ARHGEF10: variants seen among roughly 807,000 people sequenced by gnomAD.
ARHGEF10 encodes the protein Rho guanine nucleotide exchange factor (GEF) 10.
In ARHGEF10, 140 loss-of-function variants were observed where a neutral mutation model predicts 147.4. The ratio of observed to expected loss-of-function variants is 0.95; its 90% CI spans 0.83 to 1.09. The LOEUF (loss-of-function observed/expected upper bound fraction) is 1.09. ARHGEF10 is among the 50% of genes least tolerant of loss of function. The probability of loss-of-function intolerance (pLI) is 0.00; values close to 1 mark genes in which losing one functional copy is unlikely to be tolerated. For missense variants in ARHGEF10, 2,222 were observed against 1,752.7 expected (o/e 1.27, Z -4.78); for synonymous variants, 902 against 695.8 (o/e 1.30, Z -4.67).
At chr8:1,876,967 C>A (rs528440816) in intron 8 of ARHGEF10, among the ~76,000 whole-genome samples, 1 of 152,340 alleles carries the variant, frequency 6.6e-6, no homozygotes, top group East Asian at 1.9e-4. Flanking sequence ...CTTAAAAGGT[C>A]TTAAATGAGC....
At chr8:1,888,190 TTGCGAGGAGACACTTA>T (rs1563233863) in intron 11 of ARHGEF10, among the ~76,000 whole-genome samples, 2,218 of 45,006 alleles carry the variant, frequency 0.049, 329 homozygotes, top group African/African-American at 0.24. Context: ...GGGTGAGGGT[TTGCGAGGAGACACTTA>T]GTGGGGCGAG....
rs189809721 is a variant in ARHGEF10, at chr8:1,930,736, C to A, written c.3079+1293C>A. Reference sequence around the variant, plus strand: ...TCCTCCTTGGGGAGGCTCTCTCGACCTGCTCCACGGGGACGGCCCCTCCTT... The same window carrying A: ...TCCTCCTTGGGGAGGCTCTCTCGACATGCTCCACGGGGACGGCCCCTCCTT... On this transcript the variant is annotated intron_variant, in intron 25 of 28. Coordinates refer to ENST00000349830, the MANE Select transcript of ARHGEF10 (RefSeq NM_014629.4). 5.6e-3 allele frequency among the ~76,000 whole-genome samples: 853 copies of A among 152,364 alleles called. 7 individuals carry two copies. Among genetic ancestry groups the A allele is most frequent in the African/African-American group, 0.019 (805 of 41,590 alleles).
intron 13 of ARHGEF10, among the ~76,000 whole-genome samples, 164 bp downstream of exon 13, chr8:1,894,736 G>A (rs964549201): frequency 3.9e-5 from 6 of 152,208 alleles, no homozygotes; most frequent in African/African-American, 7.2e-5. Flanking sequence ...AAGCGTGTGC[G>A]CTAGGGAAAT....
rs767576834 is a variant in ARHGEF10, at chr8:1,901,030, C to T, written c.1651-2251C>T. ...ACGCTGGCGTATCCTAGAGTGTTCT[C>T]GGAGGGGAGCAGGGTGGGTCCACGT... On this transcript the variant is annotated intron_variant, in intron 15 of 28. Transcript: ENST00000349830. 6.4e-4 allele frequency among the ~76,000 whole-genome samples: 98 copies of T among 152,010 alleles called. 1 individual carries two copies. Among genetic ancestry groups the T allele is most frequent in the Non-Finnish European group, 8.1e-4 (55 of 68,006 alleles).
chr8:1,902,094 C>G (rs972638627), intron 15 of ARHGEF10, among the ~76,000 whole-genome samples: 2 of 152,100 alleles, frequency 1.3e-5, no homozygotes, highest in Non-Finnish European at 2.9e-5. Flanking sequence ...AACCCGTCAT[C>G]TAGGTTTTAA....
chr8:1,893,402 G>A (rs1809708684), intron 11 of ARHGEF10, among the ~76,000 whole-genome samples, 167 bp from the exon 12 acceptor site: 1 of 152,114 alleles, frequency 6.6e-6, no homozygotes, highest in Non-Finnish European at 1.5e-5. Context: ...GTATTAATGG[G>A]GCGAAGTATG....
At chr8:1,906,409 C>G (rs1477203127) in intron 17 of ARHGEF10, among the ~76,000 whole-genome samples, 1 of 152,168 alleles carries the variant, frequency 6.6e-6, no homozygotes, top group Non-Finnish European at 1.5e-5. Flanking sequence ...GTCATCCACA[C>G]GGGAACATTT....
intron 25 of ARHGEF10, among the ~76,000 whole-genome samples, chr8:1,929,784 G>A (rs558037546): frequency 6.6e-6 from 1 of 152,270 alleles, no homozygotes; most frequent in Non-Finnish European, 1.5e-5. Flanking sequence ...CTGCCCGCCC[G>A]GCGGGGCCTC....
At chr8:1,841,620 GGCTCGTCT>G (rs1356899748) in intron 1 of ARHGEF10, among the ~76,000 whole-genome samples, 3 of 151,956 alleles carry the variant, frequency 2.0e-5, no homozygotes, top group African/African-American at 7.2e-5. Context: ...GCGTGGTTGT[GGCTCGTCT>G]GCTCATCTCT....
chr8:1,847,799 A>G (rs1804673075), intron 2 of ARHGEF10, among the ~76,000 whole-genome samples: 1 of 152,264 alleles, frequency 6.6e-6, no homozygotes, highest in Non-Finnish European at 1.5e-5. Context: ...ATTCAAAATA[A>G]GAGAAAATCA....
intron 1 of ARHGEF10, among the ~76,000 whole-genome samples, chr8:1,836,439 G>C (rs1803585122): frequency 6.6e-6 from 1 of 152,164 alleles, no homozygotes; most frequent in African/African-American, 2.4e-5. Context: ...CGATGCCGGT[G>C]AGGTCCAGGT....
At chr8:1,824,417 G>C (rs1207145001) in intron 1 of ARHGEF10, among the ~76,000 whole-genome samples, 1 of 151,996 alleles carries the variant, frequency 6.6e-6, no homozygotes, top group African/African-American at 2.4e-5. Context: ...GAAGGAGCCC[G>C]AGGGGCGAGC....
At chr8:1,949,852 G>A (rs2129284431) in intron 27 of ARHGEF10, among the ~76,000 whole-genome samples, 1 of 152,162 alleles carries the variant, frequency 6.6e-6, no homozygotes, top group African/African-American at 2.4e-5. Flanking sequence ...TTCCAGGCTG[G>A]GAAGAGCAGA....
At chr8:1,936,147 A>G (rs1813584547) in intron 26 of ARHGEF10, among the ~76,000 whole-genome samples, 1 of 151,910 alleles carries the variant, frequency 6.6e-6, no homozygotes, top group Non-Finnish European at 1.5e-5. Flanking sequence ...CCATCTCTTG[A>G]CCCCACTGTC....
intron 22 of ARHGEF10, 58 bp from the exon 23 acceptor site, chr8:1,926,319 G>A (rs1360263422): frequency 1.1e-5 from 15 of 1,410,462 alleles, no homozygotes; most frequent in Non-Finnish European, 1.3e-5. Context: ...ACGTTATGTA[G>A]TCTAGGAGCC....
chr8:1,929,348 C>T lies in ARHGEF10; in HGVS notation c.2984C>T (p.Pro995Leu), dbSNP rs144986117. 15 of 1,613,882 alleles carry T rather than the reference C, an allele frequency of 9.3e-6. No individual in the cohort carries two copies. The African/African-American group carries it at 1.2e-4, about 13-fold the overall frequency. Residue 995 changes from proline (P) to leucine (L), a missense_variant, in exon 25 of 29, where the codon CCT becomes CTT. Transcript: ENST00000349830. ...GTGAGACTTCAGCACTTTTTCACTC[C>T]TGAGAAGTCCACAGTCATGAGCCTG... ...KKVRLQHFFT[P>L]EKSTVMSLAC...
chr8:1,851,269 T>C (rs1805122380), intron 2 of ARHGEF10, among the ~76,000 whole-genome samples: 2 of 151,136 alleles, frequency 1.3e-5, no homozygotes, highest in Admixed American at 6.6e-5. Flanking sequence ...CACCGTGGGC[T>C]TTAGTTAGCG....
intron 28 of ARHGEF10, 150 bp downstream of exon 28, chr8:1,952,977 GT>G: frequency 8.6e-7 from 1 of 1,164,660 alleles, no homozygotes; most frequent in East Asian, 2.6e-5. Flanking sequence ...TTAATAGACT[GT>G]TTAATTGGAA....
chr8:1,853,631 C>T (rs1454699143), intron 2 of ARHGEF10, among the ~76,000 whole-genome samples: 3 of 152,234 alleles, frequency 2.0e-5, no homozygotes, highest in Non-Finnish European at 2.9e-5. Context: ...GCCTGGCTCC[C>T]GCCAGGGCCC....
Sources: allele counts gnomAD v4.1 joint callset (sites outside exome capture counted in the v4.1 genomes callset), GRCh38; gene constraint gnomAD v4.1.1; transcripts MANE v1.5; gene names NCBI Gene and HGNC (gene_info 2026-07-23, HGNC 2026-07-21).